The following NEBL variants were observed in gnomAD, a reference collection of about 807,000 sequenced individuals.
NEBL encodes the protein nebulette, also known as LIM and SH3 protein 2.
A neutral mutation model predicts 140.2 loss-of-function variants in NEBL; 122 were observed. That is an observed-to-expected ratio of 0.87 (90% CI 0.75 to 1.01). The LOEUF is 1.01. Among genes scored for constraint, NEBL ranks in the 50% least tolerant of loss-of-function variants. NEBL has a pLI of 0.00. For missense variants in NEBL, 1,365 were observed against 1,231.3 expected (o/e 1.11, Z -1.62); for synonymous variants, 436 against 398.9 (o/e 1.09, Z -1.11).
intron 4 of NEBL, among the ~76,000 whole-genome samples, chr10:20,917,625 C>T (rs1833369679): frequency 6.6e-6 from 1 of 152,156 alleles, no homozygotes; most frequent in African/African-American, 2.4e-5. Context: ...AATTAAGAAA[C>T]TTATGCAAAT....
rs545886455 is a variant in NEBL, at chr10:20,976,132, C to T, written c.250-14353G>A. ...GGCAAATCACTTGAGGTCAGGAGTT[C>T]AAGACCAGCCTAGCCAACATGGTGA... On this transcript the variant is annotated intron_variant, in intron 3 of 6. Transcript: ENST00000417816. Among the ~76,000 whole-genome samples the T allele has an allele frequency of 2.6e-5, 4 of 151,680 alleles. No homozygotes were observed. In the East Asian group the frequency reaches 7.8e-4, roughly 29 times the overall value.
Position 20,980,067 on chromosome 10 carries a change from A to C in NEBL, c.250-18288T>G, listed in dbSNP as rs190837314. Among the ~76,000 whole-genome samples, 367 of 151,350 alleles carry C rather than the reference A, an allele frequency of 2.4e-3. 1 individual carries two copies. The highest frequency in any genetic ancestry group is 0.01 in the Middle Eastern group (3 of 292). ...TCATTTCCACAAAAAAAAAAAAACA[A>C]ACCATAAAATTCACCATGAGATGAG... On this transcript the variant is annotated intron_variant, in intron 3 of 6. Coordinates refer to the NEBL transcript ENST00000417816.
intron 10 of NEBL, 29 bp downstream of exon 10, chr10:20,852,516 G>T: frequency 1.3e-6 from 2 of 1,514,818 alleles, no homozygotes; most frequent in Non-Finnish European, 9.2e-7. Context: ...CTGGCAGGGA[G>T]GGTAGGTACC....
chr10:20,848,740 G>A (rs1051980701), intron 11 of NEBL, among the ~76,000 whole-genome samples: 2 of 152,030 alleles, frequency 1.3e-5, no homozygotes, highest in Non-Finnish European at 2.9e-5. Context: ...ACCACCACTC[G>A]CCAGTCCATG....
At chr10:20,792,537 C>T (rs943931127) in intron 26 of NEBL, among the ~76,000 whole-genome samples, 1 of 152,184 alleles carries the variant, frequency 6.6e-6, no homozygotes, top group Non-Finnish European at 1.5e-5. Context: ...CATGGTGGCT[C>T]ACGCCTGTAA....
intron 26 of NEBL, among the ~76,000 whole-genome samples, chr10:20,796,267 G>A (rs1372534319): frequency 6.8e-6 from 1 of 147,152 alleles, no homozygotes; most frequent in Non-Finnish European, 1.5e-5. Context: ...GGAGGCTGAG[G>A]AGAATCGCTT....
At chr10:20,910,930 G>A (rs1355317710) in intron 4 of NEBL, among the ~76,000 whole-genome samples, 1 of 151,794 alleles carries the variant, frequency 6.6e-6, no homozygotes, top group Non-Finnish European at 1.5e-5. Context: ...CACTTTGGGA[G>A]GTCAGGGTGG....
At chr10:20,825,560 G>C (rs1157791967) in intron 18 of NEBL, among the ~76,000 whole-genome samples, 4 of 151,842 alleles carry the variant, frequency 2.6e-5, no homozygotes, top group African/African-American at 4.8e-5. Flanking sequence ...CCAGCTACTC[G>C]GGAGGCTGAG....
intron 3 of NEBL, among the ~76,000 whole-genome samples, chr10:21,187,591 G>A (rs945027560): frequency 6.6e-6 from 1 of 151,976 alleles, no homozygotes; most frequent in Non-Finnish European, 1.5e-5. Context: ...ACGGCTCGCT[G>A]TAGCCTCAAC....
chr10:21,227,405 C>A (rs1189636126), intron 3 of NEBL, among the ~76,000 whole-genome samples: 1 of 152,154 alleles, frequency 6.6e-6, no homozygotes, highest in East Asian at 1.9e-4. Flanking sequence ...TTTAAAAATG[C>A]CATATGGCAC....
intron 3 of NEBL, among the ~76,000 whole-genome samples, chr10:21,229,004 G>A (rs1842208802): frequency 6.6e-6 from 1 of 151,842 alleles, no homozygotes; most frequent in African/African-American, 2.4e-5. Flanking sequence ...ATGAAGCAGA[G>A]CTCCCACCAA....
At chr10:21,046,228 G>A (rs1190653354) in intron 2 of NEBL, among the ~76,000 whole-genome samples, 1 of 152,210 alleles carries the variant, frequency 6.6e-6, no homozygotes, top group Non-Finnish European at 1.5e-5. Context: ...GAGGCTGGGA[G>A]ATGAGAGGAA....
At chr10:21,087,631 T>C (rs1448500641) in intron 2 of NEBL, among the ~76,000 whole-genome samples, 1 of 152,224 alleles carries the variant, frequency 6.6e-6, no homozygotes. Flanking sequence ...TGAAATAGTA[T>C]CTGAATTGGT....
intron 3 of NEBL, among the ~76,000 whole-genome samples, chr10:21,001,425 A>T (rs1837895311): frequency 6.6e-6 from 1 of 152,214 alleles, no homozygotes; most frequent in South Asian, 2.1e-4. Context: ...TAAGGTGGAC[A>T]TCATTTCATA....
At chr10:21,171,335 CAAAAAAAAAAAAAAGAAAAA>C (rs778414419) in intron 2 of NEBL, among the ~76,000 whole-genome samples, 5 of 66,762 alleles carry the variant, frequency 7.5e-5, no homozygotes, top group African/African-American at 2.3e-4. Context: ...ACTTCTGTCT[CAAAAAAAAAAAAAAGAAAAA>C]AAAAAAAGAA....
At chr10:20,996,596 G>C (rs1837678137) in intron 3 of NEBL, among the ~76,000 whole-genome samples, 1 of 152,066 alleles carries the variant, frequency 6.6e-6, no homozygotes, top group Non-Finnish European at 1.5e-5. Context: ...AAGTGGCGGA[G>C]ACAAATTGAA....
At chr10:20,889,405 C>A (rs1269026617) in intron 3 of NEBL, among the ~76,000 whole-genome samples, 1 of 152,110 alleles carries the variant, frequency 6.6e-6, no homozygotes. Flanking sequence ...AGTTTAAATA[C>A]ATTTAAAATT....
chr10:21,065,173 G>A (rs914183994), intron 2 of NEBL, among the ~76,000 whole-genome samples: 9 of 152,144 alleles, frequency 5.9e-5, no homozygotes, highest in Admixed American at 3.3e-4. Context: ...ATCTCCTTTG[G>A]GTGAAAAGAA....
intron 8 of NEBL, among the ~76,000 whole-genome samples, 173 bp from the exon 9 acceptor site, chr10:20,858,517 T>G (rs1843332747): frequency 6.6e-6 from 1 of 152,218 alleles, no homozygotes. Context: ...TTTTAAAAAG[T>G]TATTTCTATA....
Sources: gnomAD v4.1 joint callset for allele counts (sites outside exome capture counted in the v4.1 genomes callset) on GRCh38, gnomAD v4.1.1 for gene constraint, MANE v1.5 for transcripts, NCBI Gene and HGNC (gene_info 2026-07-23, HGNC 2026-07-21) for gene names.